Variants in EPHA4 observed in about 807,000 individuals in gnomAD.
EPHA4 encodes ephrin type-A receptor 4.
EPHA4 carries 19 observed loss-of-function variants against 108.3 expected under a neutral mutation model. The ratio of observed to expected loss-of-function variants is 0.18; its 90% CI spans 0.12 to 0.26. The LOEUF is 0.26. Among genes scored for constraint, EPHA4 ranks in the 10% least tolerant of loss-of-function variants. The pLI is 1.00. For missense variants in EPHA4, 917 were observed against 1,254.0 expected, an observed-to-expected ratio of 0.73 and a Z score of 4.06; for synonymous variants, 449 against 455.5, an observed-to-expected ratio of 0.99 and a Z score of 0.18.
At chr2:221,557,834 T>C (rs1390161717) in intron 3 of EPHA4, among the ~76,000 whole-genome samples, 1 of 152,222 alleles carries the variant, frequency 6.6e-6, no homozygotes, top group Non-Finnish European at 1.5e-5. Flanking sequence ...TTATGCCTAA[T>C]GCTCCCCCCA....
intron 3 of EPHA4, among the ~76,000 whole-genome samples, chr2:221,517,065 A>T (rs1693009800): frequency 6.6e-6 from 1 of 152,188 alleles, no homozygotes; most frequent in Non-Finnish European, 1.5e-5. Flanking sequence ...TAGGGAAGGG[A>T]TGACTGGCAC....
At chr2:221,500,739 A>G (rs561209007) in intron 4 of EPHA4, among the ~76,000 whole-genome samples, 1 of 152,252 alleles carries the variant, frequency 6.6e-6, no homozygotes, top group Admixed American at 6.5e-5. Context: ...ATAAATTCCA[A>G]TCTCAGCTCT....
chr2:221,429,322 T>A (rs548557657), intron 15 of EPHA4, among the ~76,000 whole-genome samples: 1 of 152,302 alleles, frequency 6.6e-6, no homozygotes, highest in African/African-American at 2.4e-5. Flanking sequence ...TACTTCTTCA[T>A]TTTGCTCATT....
Position 221,426,092 on chromosome 2 carries a change from A to G in EPHA4, c.2897T>C (p.Leu966Ser). 6.2e-7 allele frequency: 1 copy of G among 1,614,118 alleles called. No homozygotes were observed. Among genetic ancestry groups the G allele is most frequent in the Non-Finnish European group, 8.5e-7 (1 of 1,180,012 alleles). Reference protein sequence around the residue: ...ITAITHQNKILSSVQAMRTQM... With the variant: ...ITAITHQNKISSSVQAMRTQM... ...GGTTCGCATTGCCTGGACACTGCTC[A>G]AAATCTTATTCTGGTGCGTGATGGC... The change falls in exon 17 of 18, where the codon TTG (leucine) becomes TCG (serine). Residue 966 changes from leucine to serine, a missense_variant. Leu to Ser is a moderately radical substitution (Grantham distance 145, BLOSUM62 -2). Around this residue, in one of 3 missense-constraint regions of EPHA4, gnomAD observed 26 missense variants for 44.4 expected, o/e 0.59. Transcript: ENST00000281821.
At chr2:221,478,765 CAG>C (rs3042777) in intron 5 of EPHA4, among the ~76,000 whole-genome samples, 63,120 of 151,858 alleles carry the variant, frequency 0.42, 13,215 homozygotes, top group East Asian at 0.52. Context: ...TCTGCCTGCA[CAG>C]AGTGTCCTTC....
chr2:221,425,632 T>C lies in EPHA4; in HGVS notation c.*396A>G, dbSNP rs1689877260. ...TCCAGTGAAAGACAGATGACTGTAA[T>C]TTATGCCACAAACAAAATACAATGG... On this transcript the variant is annotated 3_prime_UTR_variant, in exon 17 of 18. Coordinates refer to ENST00000281821, the MANE Select transcript of EPHA4 (RefSeq NM_004438.5). The C allele has an allele frequency of 5.9e-6, 1 of 169,766 alleles. No individual in the cohort carries two copies. The highest frequency in any genetic ancestry group is 1.3e-5 in the Non-Finnish European group (1 of 79,172). The allele number at this position is 169,766 out of a possible 1,614,324, so 10.5% of individuals were successfully genotyped here. A position where few individuals can be genotyped will look rare whatever the true frequency, so the allele number is the denominator to read the frequency against.
At chr2:221,546,153 T>C (rs1222134603) in intron 3 of EPHA4, among the ~76,000 whole-genome samples, 4 of 152,174 alleles carry the variant, frequency 2.6e-5, no homozygotes, top group African/African-American at 9.6e-5. Context: ...AGACACGATA[T>C]ATCCAGGCAT....
intron 3 of EPHA4, among the ~76,000 whole-genome samples, chr2:221,508,586 GAA>G (rs10717814): frequency 5.3e-4 from 70 of 131,186 alleles, no homozygotes; most frequent in Middle Eastern, 3.8e-3. Flanking sequence ...CTCAAAACAG[GAA>G]AAAAAAAAAA....
At chr2:221,467,171 G>C (rs1235653156) in intron 5 of EPHA4, among the ~76,000 whole-genome samples, 1 of 152,124 alleles carries the variant, frequency 6.6e-6, no homozygotes, top group Non-Finnish European at 1.5e-5. Context: ...AAAATAATTA[G>C]TCTTTGGAAT....
intron 3 of EPHA4, among the ~76,000 whole-genome samples, chr2:221,536,128 G>A (rs1290431167): frequency 6.6e-6 from 1 of 152,122 alleles, no homozygotes; most frequent in Non-Finnish European, 1.5e-5. Flanking sequence ...TTTGGCAAAA[G>A]AGCACTTTAT....
chr2:221,463,528 G>A (rs577949881), intron 5 of EPHA4, among the ~76,000 whole-genome samples: 1 of 152,130 alleles, frequency 6.6e-6, no homozygotes. Flanking sequence ...ACAGATTAGG[G>A]GGCTCTATCA....
chr2:221,485,485 G>C (rs1691950233), intron 4 of EPHA4, among the ~76,000 whole-genome samples: 1 of 152,188 alleles, frequency 6.6e-6, no homozygotes, highest in Non-Finnish European at 1.5e-5. Context: ...CTATCATAGA[G>C]AGTGACAGCT....
intron 4 of EPHA4, among the ~76,000 whole-genome samples, chr2:221,491,351 G>A (rs1254703054): frequency 1.3e-5 from 2 of 152,086 alleles, no homozygotes; most frequent in Non-Finnish European, 2.9e-5. Context: ...TTTAACAGCT[G>A]CAATCAAATC....
intron 2 of EPHA4, among the ~76,000 whole-genome samples, chr2:221,565,514 T>G (rs1428874088): frequency 6.6e-6 from 1 of 152,126 alleles, no homozygotes; most frequent in Non-Finnish European, 1.5e-5. Flanking sequence ...TTTAAAAAAT[T>G]GTATTCTGTA....
chr2:221,546,977 T>C (rs913820791), intron 3 of EPHA4, among the ~76,000 whole-genome samples: 2 of 152,178 alleles, frequency 1.3e-5, no homozygotes, highest in African/African-American at 4.8e-5. Flanking sequence ...TTTTTGTGGC[T>C]ATCATAATTC....
Position 221,495,831 on chromosome 2 carries a change from C to T in EPHA4, c.979+5186G>A, listed in dbSNP as rs555600815. Among the ~76,000 whole-genome samples, 18 of 152,284 alleles carry T rather than the reference C, an allele frequency of 1.2e-4. No homozygotes were observed. The South Asian group carries it at 3.7e-3, about 32-fold the overall frequency. On this transcript the variant is annotated intron_variant, in intron 4 of 17. Coordinates refer to ENST00000281821, the MANE Select transcript of EPHA4 (RefSeq NM_004438.5). ...TTTACAAGCCAGTGGAGCACAGTCT[C>T]TCTTTGGCTAGAAGAATGAGGCTCA...
Position 221,434,309 on chromosome 2 carries a change from A to T in EPHA4, c.2347-18T>A, listed in dbSNP as rs1032099429. On this transcript the variant is annotated intron_variant, in intron 13 of 17. Transcript: ENST00000281821. ...TTGCCACCCTGTGAACATTTGAGCC[A>T]TAAGTTATTCCTTAAGTACATCACT... is the stretch of plus-strand genomic sequence containing the variant. The T allele has an allele frequency of 7.4e-6, 12 of 1,612,780 alleles. No individual in the cohort carries two copies. In the South Asian group the frequency reaches 9.9e-5, roughly 13 times the overall value.
At chr2:221,456,544 C>T (rs1690957480) in intron 7 of EPHA4, 69 bp downstream of exon 7, 1 of 1,512,364 alleles carries the variant, frequency 6.6e-7, no homozygotes, top group East Asian at 2.3e-5. Context: ...TTAGATTTCA[C>T]TGTAATGGGA....
intron 5 of EPHA4, among the ~76,000 whole-genome samples, chr2:221,459,075 A>T (rs1691056575): frequency 1.3e-5 from 2 of 152,208 alleles, no homozygotes. Context: ...AGGAACAAAG[A>T]TAAAAAGTGA....
Sources: allele counts gnomAD v4.1 joint callset (sites outside exome capture counted in the v4.1 genomes callset), GRCh38; gene constraint gnomAD v4.1.1; regional missense constraint gnomAD v4.1.1; transcripts MANE v1.5; gene names NCBI Gene and HGNC (gene_info 2026-07-23, HGNC 2026-07-21).